NAA60: variants seen among roughly 807,000 people sequenced by gnomAD.
The protein encoded by NAA60 is N-alpha-acetyltransferase 60.
In NAA60, 8 loss-of-function variants were observed where a neutral mutation model predicts 26.1. The ratio of observed to expected loss-of-function variants is 0.31; its 90% CI spans 0.18 to 0.55. The LOEUF is 0.55. Among genes scored for constraint, NAA60 ranks in the 20% least tolerant of loss-of-function variants. The pLI is 0.93. For missense variants in NAA60, 290 were observed against 311.3 expected (o/e 0.93, Z 0.51); for synonymous variants, 131 against 122.5 (o/e 1.07, Z -0.46).
rs2037130233 is a variant in NAA60 at position 3,486,036 on chromosome 16, G to GCCCTCCCTCATGCTGGCGCCC, written c.*776_*777insCCCTCCCTCATGCTGGCGCCC. 8.6e-6 allele frequency: 2 copies of GCCCTCCCTCATGCTGGCGCCC among 233,142 alleles called. No individual in the cohort carries two copies. The highest frequency in any genetic ancestry group is 9.8e-5 in the South Asian group (2 of 20,424). 14.4% of individuals were successfully genotyped at this position (233,142 alleles called of 1,614,324 possible). A position where few individuals can be genotyped will look rare whatever the true frequency, so the allele number is the denominator to read the frequency against. On this transcript the variant is annotated 3_prime_UTR_variant, in exon 8 of 8. Coordinates refer to ENST00000407558, the MANE Select transcript of NAA60 (RefSeq NM_001083601.3). ...GACAGGCATCGCCGAGACTCCTTGG[G>GCCCTCCCTCATGCTGGCGCCC]TCCTCCCCGCCCTCCCTCATGCTGC...
Position 3,472,936 on chromosome 16 carries a change from C to G in NAA60, c.-6-3286C>G, listed in dbSNP as rs879298991. Among the ~76,000 whole-genome samples, 11 of 152,324 alleles carry G rather than the reference C, an allele frequency of 7.2e-5. No homozygotes were observed. The South Asian group carries it at 8.3e-4, about 11-fold the overall frequency. On this transcript the variant is annotated intron_variant, in intron 2 of 7. Transcript: ENST00000407558. ...ACTTTTTGTACATAACCACAAGACTCTTCTCACACCTGACAAGATTAACAC... is the reference window on the plus strand; with the variant it reads ...ACTTTTTGTACATAACCACAAGACTGTTCTCACACCTGACAAGATTAACAC...
At chr16:3,477,788 G>A (rs918083320) in intron 3 of NAA60, among the ~76,000 whole-genome samples, 16 of 151,872 alleles carry the variant, frequency 1.1e-4, no homozygotes, top group Non-Finnish European at 2.1e-4. Flanking sequence ...AAATTGGGCC[G>A]GGCGCAGTGG....
At chr16:3,462,020 G>A (rs2150967757) in intron 2 of NAA60, among the ~76,000 whole-genome samples, 1 of 144,552 alleles carries the variant, frequency 6.9e-6, no homozygotes, top group Non-Finnish European at 1.5e-5. Context: ...CCAGGAGGTG[G>A]AGGTTGCAGT....
intron 1 of NAA60, among the ~76,000 whole-genome samples, chr16:3,447,110 G>T (rs1340456795): frequency 6.6e-6 from 1 of 152,214 alleles, no homozygotes; most frequent in Admixed American, 6.5e-5. Flanking sequence ...CAAAGTGCTG[G>T]GATTACAGGC....
intron 2 of NAA60, among the ~76,000 whole-genome samples, chr16:3,458,820 C>T (rs1484922356): frequency 6.6e-6 from 1 of 152,222 alleles, no homozygotes; most frequent in African/African-American, 2.4e-5. Context: ...CTCCGACTTT[C>T]TTCTCCAGAT....
At chr16:3,443,926 T>C in intron 1 of NAA60, 89 bp downstream of exon 1, 11 of 1,455,580 alleles carry the variant, frequency 7.6e-6, no homozygotes, top group Non-Finnish European at 9.9e-6. Flanking sequence ...GGGCCTAGCC[T>C]GGGCTTGAGC....
chr16:3,460,495 C>G (rs2035316615), intron 2 of NAA60, among the ~76,000 whole-genome samples: 1 of 152,224 alleles, frequency 6.6e-6, no homozygotes, highest in Non-Finnish European at 1.5e-5. Flanking sequence ...TCCTGAGTAG[C>G]TGGGATTACA....
At chr16:3,458,211 T>TC (rs1287571291) in intron 2 of NAA60, 4 of 942,036 alleles carry the variant, frequency 4.2e-6, no homozygotes, top group Non-Finnish European at 5.1e-6. Flanking sequence ...CCGCCGGGGC[T>TC]CGGACCTGCG....
chr16:3,480,272 A>C (rs187472585), intron 4 of NAA60, among the ~76,000 whole-genome samples: 83 of 152,288 alleles, frequency 5.5e-4, no homozygotes, highest in African/African-American at 2.0e-3. Flanking sequence ...CAGATGGTTC[A>C]ATTTGTTTGG....
chr16:3,471,040 C>T (rs763982717), intron 2 of NAA60, among the ~76,000 whole-genome samples: 10 of 152,170 alleles, frequency 6.6e-5, no homozygotes, highest in Non-Finnish European at 1.3e-4. Flanking sequence ...TGAAAATCCG[C>T]AGATCGTTGT....
chr16:3,475,406 A>G (rs183543241), intron 2 of NAA60, among the ~76,000 whole-genome samples: 14 of 151,332 alleles, frequency 9.3e-5, no homozygotes, highest in Middle Eastern at 3.4e-3. Flanking sequence ...TTTCCTTTTA[A>G]CGACTAATTT....
At chr16:3,477,526 C>T (rs573298234) in intron 3 of NAA60, among the ~76,000 whole-genome samples, 137 of 151,498 alleles carry the variant, frequency 9.0e-4, no homozygotes, top group African/African-American at 2.5e-3. Flanking sequence ...CTTGGCTGGG[C>T]GCAGTGGCTC....
chr16:3,448,169 G>A (rs779492248), intron 1 of NAA60, among the ~76,000 whole-genome samples: 15 of 151,294 alleles, frequency 9.9e-5, no homozygotes, highest in Non-Finnish European at 1.6e-4. Flanking sequence ...AGCTACTTTA[G>A]AGGCTGAAGC....
chr16:3,476,108 G>C, intron 2 of NAA60, 114 bp from the exon 3 acceptor site: 1 of 726,466 alleles, frequency 1.4e-6, no homozygotes, highest in Non-Finnish European at 2.3e-6. Flanking sequence ...TGCTGGCTGA[G>C]GGGTGTCCAC....
intron 2 of NAA60, chr16:3,462,824 A>G (rs1006660100): frequency 1.2e-4 from 19 of 152,198 alleles, no homozygotes; most frequent in Admixed American, 3.3e-4. Flanking sequence ...CTTTACTATG[A>G]ACATGGGTTG....
intron 2 of NAA60, among the ~76,000 whole-genome samples, chr16:3,474,939 T>C (rs1372167075): frequency 6.6e-6 from 1 of 151,984 alleles, no homozygotes; most frequent in Non-Finnish European, 1.5e-5. Flanking sequence ...CATTTATTTA[T>C]GGGTTTGTTT....
At chr16:3,484,307 A>G (rs1227850499) in intron 6 of NAA60, among the ~76,000 whole-genome samples, 10 of 152,226 alleles carry the variant, frequency 6.6e-5, no homozygotes. Flanking sequence ...CCAGGGGGTC[A>G]GCACTGTTGA....
intron 1 of NAA60, among the ~76,000 whole-genome samples, chr16:3,445,862 C>T (rs1411210781): frequency 7.2e-5 from 11 of 152,064 alleles, no homozygotes; most frequent in Non-Finnish European, 1.5e-4. Flanking sequence ...AACAAGTGGA[C>T]AAAGAAGGAG....
In NAA60 at chr16:3,443,836, ATG is replaced by A. The variant is rs2034438441; in HGVS notation, c.-77+2_-77+3del. ...AACTCGAAAGAAAATCGGTAACAAA[ATG>A]TGGGTTCGGCCAACAGTGCCCTGTA... On this transcript the variant is annotated splice_donor_variant and 5_prime_UTR_variant, in exon 1 of 8. Transcript: ENST00000407558. LOFTEE classifies it low-confidence loss of function (5UTR_SPLICE). 1.1e-5 allele frequency: 17 copies of A among 1,534,274 alleles called. No individual in the cohort carries two copies. The highest frequency in any genetic ancestry group is 1.4e-5 in the Non-Finnish European group (16 of 1,146,160).
Sources: gnomAD v4.1 joint callset for allele counts (sites outside exome capture counted in the v4.1 genomes callset) on GRCh38, gnomAD v4.1.1 for gene constraint, MANE v1.5 for transcripts, NCBI Gene and HGNC (gene_info 2026-07-23, HGNC 2026-07-21) for gene names.